The following UMODL1 variants were observed in gnomAD, a reference collection of about 807,000 sequenced individuals.
UMODL1 encodes uromodulin like 1.
UMODL1 carries 128 observed loss-of-function variants against 136.3 expected under a neutral mutation model. The observed-to-expected ratio is 0.94, with a 90% CI of 0.81 to 1.09. The LOEUF (loss-of-function observed/expected upper bound fraction) is 1.09, where lower values mean the gene tolerates loss of function less well. Ranked by LOEUF, UMODL1 falls within the 50% of genes least tolerant of loss-of-function variation. The pLI is 0.00. For missense variants in UMODL1, 1,766 were observed against 1,725.6 expected, an observed-to-expected ratio of 1.02 and a Z score of -0.41; for synonymous variants, 721 against 720.0, an observed-to-expected ratio of 1.00 and a Z score of -0.02.
intron 7 of UMODL1, among the ~76,000 whole-genome samples, chr21:42,100,688 A>G (rs1168529677): frequency 1.3e-5 from 2 of 151,580 alleles, no homozygotes; most frequent in Non-Finnish European, 2.9e-5. Context: ...TGGGAAATGC[A>G]ATAGGAACTT....
In UMODL1 at chr21:42,106,466, C is replaced by T. The variant is rs528155254; in HGVS notation, c.1519+2379C>T. ...CATTCAGGAGCACTCCCTGCCGGTG[C>T]GTCCACATGTCCCAACCCCGATAGA... On this transcript the variant is annotated intron_variant, in intron 9 of 22. Transcript: ENST00000408910. 1.2e-4 allele frequency among the ~76,000 whole-genome samples: 18 copies of T among 152,352 alleles called. 2 individuals are homozygous for T. The South Asian group carries it at 2.7e-3, about 23-fold the overall frequency.
chr21:42,103,934 G>T lies in UMODL1; in HGVS notation c.1366G>T (p.Val456Leu). Residue 456 changes from valine to leucine, a missense_variant, in exon 9 of 23, where the codon GTG becomes TTG. By Grantham distance (32) the Val-to-Leu change is conservative. Transcript: ENST00000408910. ...AAGTGGGAAGCTGAGAATGCAGATCGTGTCTCTCCAGGCGGGAAGTGTGGT... is the reference window on the plus strand; with the variant it reads ...AAGTGGGAAGCTGAGAATGCAGATCTTGTCTCTCCAGGCGGGAAGTGTGGT... ...YRSGKLRMQI[V>L]SLQAGSVVVR... 1.2e-6 allele frequency: 2 copies of T among 1,614,154 alleles called. No homozygotes were observed. Among genetic ancestry groups the T allele is most frequent in the Non-Finnish European group, 8.5e-7 (1 of 1,180,030 alleles).
intron 9 of UMODL1, chr21:42,108,608 C>A: frequency 2.9e-6 from 1 of 341,946 alleles, no homozygotes; most frequent in Non-Finnish European, 5.9e-6. Flanking sequence ...TGGGTTCGTT[C>A]CCGAGCACCT....
chr21:42,084,057 A>G (rs2066394435), intron 2 of UMODL1, 27 bp from the exon 3 acceptor site: 3 of 1,606,282 alleles, frequency 1.9e-6, no homozygotes, highest in African/African-American at 1.3e-5. Context: ...TATCGCCAGT[A>G]TCATTAATTG....
intron 1 of UMODL1, among the ~76,000 whole-genome samples, chr21:42,073,346 G>T (rs923316649): frequency 1.3e-5 from 2 of 152,182 alleles, no homozygotes; most frequent in African/African-American, 4.8e-5. Context: ...AAGCTGCCCT[G>T]GTCCCGGAAG....
chr21:42,132,845 TG>T (rs1425788305), intron 21 of UMODL1, among the ~76,000 whole-genome samples: 1 of 152,234 alleles, frequency 6.6e-6, no homozygotes, highest in Non-Finnish European at 1.5e-5. Flanking sequence ...ATATGAATTG[TG>T]CCTTATTTTC....
At chr21:42,108,177 C>T (rs1036692368) in intron 9 of UMODL1, 2 of 426,042 alleles carry the variant, frequency 4.7e-6, no homozygotes, top group African/African-American at 2.0e-5. Flanking sequence ...CCAAAATAGA[C>T]ATCAGGTGCT....
At chr21:42,095,393 C>T (rs1023001216) in intron 6 of UMODL1, among the ~76,000 whole-genome samples, 11 of 152,092 alleles carry the variant, frequency 7.2e-5, no homozygotes, top group African/African-American at 2.7e-4. Context: ...CCACGCCCAG[C>T]CCTACTCCAT....
chr21:42,115,849 A>C (rs1341294461), intron 13 of UMODL1, 24 bp from the exon 14 acceptor site: 1 of 1,566,322 alleles, frequency 6.4e-7, no homozygotes, highest in African/African-American at 1.3e-5. Flanking sequence ...CCAATTCCAA[A>C]TGTGCTTATC....
chr21:42,119,044 C>G (rs567388394), intron 14 of UMODL1, 67 bp from the exon 15 acceptor site: 1 of 1,528,648 alleles, frequency 6.5e-7, no homozygotes, highest in Non-Finnish European at 8.9e-7. Context: ...CAGGAGGAAC[C>G]GCCTTGAGAC....
At position 42,102,208 on chromosome 21, in the gene UMODL1, A is replaced by G; in HGVS notation, c.1229A>G (p.Asn410Ser). 3 of 1,613,704 alleles carry G rather than the reference A, an allele frequency of 1.9e-6. No homozygotes were observed. Among genetic ancestry groups the G allele is most frequent in the African/African-American group, 1.3e-5 (1 of 75,018 alleles). Residue 410 changes from asparagine to serine, a missense_variant, in exon 8 of 23, where the codon AAC (asparagine) becomes AGC (serine). Asn to Ser is a conservative substitution (Grantham distance 46, BLOSUM62 1). Transcript: ENST00000408910. Reference protein sequence around the residue: ...FEVTIKIVNHNLTEKLLNRSS... With the variant: ...FEVTIKIVNHSLTEKLLNRSS... ...GTCACAATAAAGATTGTAAACCACA[A>G]CCTGACGGAGAAGTTACTCAACCGC...
chr21:42,103,653 C>T, intron 8 of UMODL1: 1 of 686,322 alleles, frequency 1.5e-6, no homozygotes, highest in Non-Finnish European at 2.7e-6. Context: ...GTCCCCAGCA[C>T]ACACCAGGCC....
At chr21:42,091,496 G>A (rs1460565441) in intron 6 of UMODL1, among the ~76,000 whole-genome samples, 1 of 152,232 alleles carries the variant, frequency 6.6e-6, no homozygotes, top group Non-Finnish European at 1.5e-5. Context: ...AATCTGAAAT[G>A]TAGGAAGGTG....
chr21:42,088,158 C>A, intron 4 of UMODL1, 136 bp from the exon 5 acceptor site: 1 of 853,970 alleles, frequency 1.2e-6, no homozygotes. Flanking sequence ...TAGATAAGTA[C>A]TGTAGAGGTT....
chr21:42,069,240 A>ACAC (rs779352151), upstream of UMODL1, among the ~76,000 whole-genome samples: 530 of 150,460 alleles, frequency 3.5e-3, 2 homozygotes, highest in Non-Finnish European at 5.8e-3. Context: ...ACACACACAC[A>ACAC]CACACACACA....
At chr21:42,108,528 C>G in intron 9 of UMODL1, 1 of 388,002 alleles carries the variant, frequency 2.6e-6, no homozygotes, top group Admixed American at 2.9e-5. Context: ...TTTCTTTGCC[C>G]AGAACTGAAC....
At chr21:42,098,131 A>G (rs1382973487) in intron 6 of UMODL1, among the ~76,000 whole-genome samples, 1 of 152,162 alleles carries the variant, frequency 6.6e-6, no homozygotes, top group Non-Finnish European at 1.5e-5. Flanking sequence ...TGTCGTGGCC[A>G]TTGCTACAAA....
chr21:42,124,890 C>T (rs116497782), intron 17 of UMODL1, among the ~76,000 whole-genome samples: 46 of 152,290 alleles, frequency 3.0e-4, no homozygotes, highest in African/African-American at 1.0e-3. Flanking sequence ...TTAGCGACCG[C>T]ATGGGTCAGG....
intron 2 of UMODL1, among the ~76,000 whole-genome samples, chr21:42,082,614 CCT>C (rs748776516): frequency 2.2e-4 from 34 of 152,294 alleles, no homozygotes; most frequent in Non-Finnish European, 4.1e-4. Context: ...GTCCCTCCTC[CCT>C]CTGTGTCCTC....
Sources: gnomAD v4.1 joint callset for allele counts (sites outside exome capture counted in the v4.1 genomes callset) on GRCh38, gnomAD v4.1.1 for gene constraint, MANE v1.5 for transcripts, NCBI Gene and HGNC (gene_info 2026-07-23, HGNC 2026-07-21) for gene names.